FIGN: variants seen among roughly 807,000 people sequenced by gnomAD.
FIGN encodes fidgetin, microtubule severing factor.
FIGN carries 11 observed loss-of-function variants against 51.3 expected under a neutral mutation model. The ratio of observed to expected loss-of-function variants is 0.21; its 90% confidence interval spans 0.13 to 0.35. The LOEUF (loss-of-function observed/expected upper bound fraction) is 0.35. Ranked by LOEUF, FIGN falls within the 10% of genes least tolerant of loss-of-function variation. The probability of loss-of-function intolerance (pLI) is 1.00; values close to 1 mark genes in which losing one functional copy is unlikely to be tolerated. For synonymous variants in FIGN, 407 were observed against 363.2 expected (o/e 1.12, Z -1.37); for missense variants, 857 against 943.6 (o/e 0.91, Z 1.20).
At chr2:163,672,637 G>A (rs1163239926) in intron 2 of FIGN, among the ~76,000 whole-genome samples, 1 of 152,004 alleles carries the variant, frequency 6.6e-6, no homozygotes, top group Non-Finnish European at 1.5e-5. Flanking sequence ...ACAAAGTGCC[G>A]ATTCCATGCT....
At chr2:163,698,533 G>A (rs1684358688) in intron 2 of FIGN, among the ~76,000 whole-genome samples, 2 of 152,108 alleles carry the variant, frequency 1.3e-5, no homozygotes, top group Admixed American at 6.6e-5. Flanking sequence ...GATGAAGGGA[G>A]TGGAAGTCTC....
chr2:163,651,021 G>A (rs1683465685), intron 2 of FIGN, among the ~76,000 whole-genome samples: 1 of 152,142 alleles, frequency 6.6e-6, no homozygotes, highest in South Asian at 2.1e-4. Context: ...GAGGACCCAG[G>A]GCGCTGCAGA....
chr2:163,727,861 G>A (rs1202439300), intron 2 of FIGN, among the ~76,000 whole-genome samples: 6 of 152,156 alleles, frequency 3.9e-5, no homozygotes, highest in African/African-American at 1.4e-4. Context: ...ATCGCAATAT[G>A]AAGTTTGATC....
At position 163,610,203 on chromosome 2, in the gene FIGN, C is replaced by T; in HGVS notation, c.1629G>A (p.Leu543=). 1 of 1,614,154 alleles carries T rather than the reference C, an allele frequency of 6.2e-7. No homozygotes were observed. Among genetic ancestry groups the T allele is most frequent in the Non-Finnish European group, 8.5e-7 (1 of 1,180,026 alleles). Residue 543 remains leucine (L), a synonymous_variant, in exon 3 of 3, where the codon CTG becomes CTA. Transcript: ENST00000333129. ...CGGCAATTTTGAAAAATGTGGCCCC[C>T]AGCTGACTAGCGATGCATCTGCCCA... The part of the protein sequence containing the change: ...TLLGRCIASQ[L]GATFFKIAGS...
intron 2 of FIGN, among the ~76,000 whole-genome samples, chr2:163,729,248 A>G (rs1684889243): frequency 6.6e-6 from 1 of 152,170 alleles, no homozygotes; most frequent in South Asian, 2.1e-4. Context: ...TATGAAATAT[A>G]TATGAAATAT....
At chr2:163,634,933 G>A (rs1225763691) in intron 2 of FIGN, among the ~76,000 whole-genome samples, 1 of 152,058 alleles carries the variant, frequency 6.6e-6, no homozygotes, top group Non-Finnish European at 1.5e-5. Flanking sequence ...ATTTTACATA[G>A]AGTATGTGCT....
rs575929441 is a variant in FIGN at position 163,734,016 on chromosome 2, G to A, written c.25+887C>T. Among the ~76,000 whole-genome samples, 14 of 145,386 alleles carry A rather than the reference G, an allele frequency of 9.6e-5. No individual in the cohort carries two copies. The South Asian group carries it at 2.9e-3, about 30-fold the overall frequency. ...ATGCAAAATACTTTAACATCTTTTT[G>A]TTGTTGTTGTTCCCTCTGTCTTAAT... On this transcript the variant is annotated intron_variant, in intron 2 of 2. Transcript: ENST00000333129.
At chr2:163,690,919 A>C (rs145571537) in intron 2 of FIGN, among the ~76,000 whole-genome samples, 137 of 152,200 alleles carry the variant, frequency 9.0e-4, no homozygotes, top group African/African-American at 3.0e-3. Context: ...ACATTTTTTA[A>C]ACTATAGATT....
At chr2:163,639,205 G>A (rs547646114) in intron 2 of FIGN, among the ~76,000 whole-genome samples, 6 of 151,980 alleles carry the variant, frequency 3.9e-5, no homozygotes, top group African/African-American at 1.4e-4. Flanking sequence ...TCTCAAGTGT[G>A]GTTTTGCATT....
At chr2:163,681,539 C>T (rs1684061815) in intron 2 of FIGN, among the ~76,000 whole-genome samples, 1 of 152,086 alleles carries the variant, frequency 6.6e-6, no homozygotes, top group Admixed American at 6.6e-5. Context: ...AATGAGACCC[C>T]ATCTCTTAAA....
intron 2 of FIGN, among the ~76,000 whole-genome samples, chr2:163,703,380 G>C (rs1684440153): frequency 6.6e-6 from 1 of 152,054 alleles, no homozygotes; most frequent in South Asian, 2.1e-4. Context: ...TTTAAAAATG[G>C]TTACTTTAAA....
rs910185675 is a variant in FIGN, at chr2:163,603,429, T to G, written c.*6123A>C. The G allele has an allele frequency of 6.6e-6, 1 of 152,036 alleles. No individual in the cohort carries two copies. The highest frequency in any genetic ancestry group is 2.4e-5 in the African/African-American group (1 of 41,420). The allele number at this position is 152,036 out of a possible 1,614,324, so 9.4% of individuals were successfully genotyped here. ...TGCACAGAAATTTTAATTAGTTAGG[T>G]TTCTTTTTCTTTTTTTAAATTTCTG... On this transcript the variant is annotated 3_prime_UTR_variant, in exon 3 of 3. Transcript: ENST00000333129.
chr2:163,657,504 G>C (rs1356428593), intron 2 of FIGN, among the ~76,000 whole-genome samples: 1 of 144,858 alleles, frequency 6.9e-6, no homozygotes, highest in Non-Finnish European at 1.5e-5. Flanking sequence ...GGGAGTCTGT[G>C]TGTGTGTGTG....
intron 2 of FIGN, among the ~76,000 whole-genome samples, chr2:163,665,986 T>C (rs903343021): frequency 2.6e-5 from 4 of 152,196 alleles, no homozygotes; most frequent in Non-Finnish European, 4.4e-5. Context: ...CACATGACTA[T>C]GGCAGAAAAG....
chr2:163,652,489 A>AC (rs1683494568), intron 2 of FIGN, among the ~76,000 whole-genome samples: 1 of 151,694 alleles, frequency 6.6e-6, no homozygotes, highest in African/African-American at 2.4e-5. Context: ...ACCAAAAAAA[A>AC]CTAGATAAAC....
At chr2:163,735,196 T>C in intron 1 of FIGN, 124 bp from the exon 2 acceptor site, 1 of 464,986 alleles carries the variant, frequency 2.2e-6, no homozygotes, top group Non-Finnish European at 3.8e-6. Flanking sequence ...TTTCACTCAC[T>C]CCCATTGAAA....
intron 2 of FIGN, among the ~76,000 whole-genome samples, chr2:163,661,942 C>T (rs778620815): frequency 1.3e-5 from 2 of 152,140 alleles, no homozygotes; most frequent in African/African-American, 2.4e-5. Context: ...AGCATGAAAA[C>T]AGACTAACAC....
At chr2:163,624,989 T>G (rs976920687) in intron 2 of FIGN, among the ~76,000 whole-genome samples, 1 of 151,954 alleles carries the variant, frequency 6.6e-6, no homozygotes, top group Non-Finnish European at 1.5e-5. Flanking sequence ...CAATAATCTC[T>G]TTTTTTCTAT....
At chr2:163,711,090 T>A (rs1401350173) in intron 2 of FIGN, among the ~76,000 whole-genome samples, 1 of 152,050 alleles carries the variant, frequency 6.6e-6, no homozygotes, top group African/African-American at 2.4e-5. Context: ...TAAAATCAAA[T>A]CTCCTTTTTA....
Sources: allele counts gnomAD v4.1 joint callset (sites outside exome capture counted in the v4.1 genomes callset), GRCh38; gene constraint gnomAD v4.1.1; transcripts MANE v1.5; gene names NCBI Gene and HGNC (gene_info 2026-07-23, HGNC 2026-07-21).